ATP13A5: variants seen among roughly 807,000 people sequenced by gnomAD.
ATP13A5 encodes ATPase 13A5.
ATP13A5 carries 149 observed loss-of-function variants against 150.2 expected under a neutral mutation model. That is an observed-to-expected ratio of 0.99 (90% CI 0.87 to 1.14). ATP13A5 has a LOEUF of 1.14. ATP13A5 is among the 50% of genes most tolerant of loss of function. The pLI, the probability that ATP13A5 is intolerant of heterozygous loss-of-function variation, is 0.00. For synonymous variants in ATP13A5, 497 were observed against 522.2 expected, an observed-to-expected ratio of 0.95 and a Z score of 0.66; for missense variants, 1,383 against 1,449.3, an observed-to-expected ratio of 0.95 and a Z score of 0.74.
chr3:193,358,322 C>A (rs1037359049), intron 5 of ATP13A5, among the ~76,000 whole-genome samples: 8 of 152,172 alleles, frequency 5.3e-5, no homozygotes, highest in African/African-American at 1.9e-4. Flanking sequence ...CCTGACTTCC[C>A]TAACACTCTT....
In ATP13A5 at chr3:193,343,925, A is replaced by G. The variant is rs767823971; in HGVS notation, c.943+2T>C. 14 of 1,612,022 alleles carry G rather than the reference A, an allele frequency of 8.7e-6. No homozygotes were observed. The highest frequency in any genetic ancestry group is 8.5e-7 in the Non-Finnish European group (1 of 1,178,934). On this transcript the variant is annotated splice_donor_variant, in intron 9 of 29. Transcript: ENST00000342358. LOFTEE classifies it high-confidence loss of function. ...AGAGGAAGCTCCATGACAACTGCCTACCTGTAAGCATGCCTTCATTCACCA... is the reference window on the plus strand; with the variant it reads ...AGAGGAAGCTCCATGACAACTGCCTGCCTGTAAGCATGCCTTCATTCACCA...
chr3:193,378,695 C>T lies in ATP13A5; in HGVS notation c.31G>A (p.Ala11Thr). Residue 11 changes from alanine (A) to threonine (T), a missense_variant, in exon 1 of 30, where the codon GCT (alanine) becomes ACT (threonine). Transcript: ENST00000342358. MEENSKKDHR[A>T]LLNQGEEDEL... Reference sequence around the variant, plus strand: ...TCCTCCTCTCCCTGGTTGAGCAAAGCCCGATGGTCCTTCTTACTGTTCTCT... The same window carrying T: ...TCCTCCTCTCCCTGGTTGAGCAAAGTCCGATGGTCCTTCTTACTGTTCTCT... 6.2e-7 allele frequency: 1 copy of T among 1,613,964 alleles called. No homozygotes were observed. The highest frequency in any genetic ancestry group is 8.5e-7 in the Non-Finnish European group (1 of 1,179,850).
At chr3:193,344,856 C>T in intron 8 of ATP13A5, 147 bp downstream of exon 8, 1 of 762,500 alleles carries the variant, frequency 1.3e-6, no homozygotes, top group Non-Finnish European at 2.2e-6. Context: ...AATTTTCTAT[C>T]TTAGAGGGCT....
chr3:193,322,711 C>T (rs1007531903), intron 14 of ATP13A5, 137 bp from the exon 15 acceptor site: 3 of 639,962 alleles, frequency 4.7e-6, no homozygotes, highest in Non-Finnish European at 7.9e-6. Context: ...TATCTTAATA[C>T]TGTCATTGTC....
Position 193,362,590 on chromosome 3 carries a change from C to T in ATP13A5, c.432G>A (p.Leu144=). Residue 144 remains leucine, a synonymous_variant, in exon 4 of 30, where the codon CTG becomes CTA. Transcript: ENST00000342358. ...VQKIRYVWND[L]EKRFQKVGLL... is the part of the protein sequence containing the mutation. ...ACCCAACTTTCTGAAACCGCTTCTC[C>T]AGGTCGTTCCAAACATACCTGATTT... The T allele has an allele frequency of 6.2e-7, 1 of 1,614,172 alleles. No homozygotes were observed. The highest frequency in any genetic ancestry group is 8.5e-7 in the Non-Finnish European group (1 of 1,180,022).
chr3:193,343,989 G>A lies in ATP13A5; in HGVS notation c.881C>T (p.Ser294Leu). Residue 294 changes from serine (S) to leucine (L), a missense_variant, in exon 9 of 30, where the codon TCA becomes TTA. This residue lies in a region of ATP13A5 where 787 missense variants were observed against 771.9 expected (regional missense o/e 1.02). Transcript: ENST00000342358. ...AATCAAAACAGCATCACATGGCAATGAAAATTTTCCTGGAAGAATAAGAAT... is the reference window on the plus strand; with the variant it reads ...AATCAAAACAGCATCACATGGCAATAAAAATTTTCCTGGAAGAATAAGAAT... ...GDILILPGKF[S>L]LPCDAVLIDG... 6.2e-7 allele frequency: 1 copy of A among 1,613,446 alleles called. No individual in the cohort carries two copies. The highest frequency in any genetic ancestry group is 8.5e-7 in the Non-Finnish European group (1 of 1,179,620).
intron 27 of ATP13A5, 50 bp from the exon 28 acceptor site, chr3:193,279,504 T>C (rs1259181966): frequency 1.3e-6 from 2 of 1,503,570 alleles, no homozygotes; most frequent in Non-Finnish European, 1.8e-6. Context: ...ATGTTTCATA[T>C]AATTTGGCAC....
chr3:193,327,149 A>T, intron 12 of ATP13A5, 92 bp from the exon 13 acceptor site: 1 of 1,086,054 alleles, frequency 9.2e-7, no homozygotes, highest in Non-Finnish European at 1.3e-6. Flanking sequence ...AAGATATTAT[A>T]GTAGATCCAG....
At chr3:193,293,219 G>T (rs2108831170) in intron 25 of ATP13A5, among the ~76,000 whole-genome samples, 1 of 152,198 alleles carries the variant, frequency 6.6e-6, no homozygotes, top group South Asian at 2.1e-4. Context: ...AAAATGGCAA[G>T]CCCTGCAATA....
chr3:193,278,982 A>T (rs747993057), intron 28 of ATP13A5, among the ~76,000 whole-genome samples: 8 of 152,216 alleles, frequency 5.3e-5, no homozygotes, highest in Non-Finnish European at 5.9e-5. Flanking sequence ...TGACTGTCTT[A>T]TAAGTCTATG....
chr3:193,275,203 C>T lies in ATP13A5; in HGVS notation c.3496G>A (p.Glu1166Lys), dbSNP rs1375242335. 1 of 1,614,198 alleles carries T rather than the reference C, an allele frequency of 6.2e-7. No homozygotes were observed. The highest frequency in any genetic ancestry group is 8.5e-7 in the Non-Finnish European group (1 of 1,180,038). The change falls in exon 30 of 30, where the codon GAA becomes AAA. Residue 1166 changes from glutamate (E) to lysine (K), a missense_variant. Physicochemically the swap from Glu to Lys is moderately conservative, Grantham distance 56. Coordinates refer to ENST00000342358, the MANE Select transcript of ATP13A5 (RefSeq NM_198505.4). ...TTTATGGGAGGCCAGGTTGAGTCTT[C>T]TGCTAGCTTCTTTTGCCAAGTCCTA... ...QYRTWQKKLAEDSTWPPINRT... is the reference protein window; with the variant it reads ...QYRTWQKKLAKDSTWPPINRT...
chr3:193,275,489 A>C (rs1318027300), intron 29 of ATP13A5, among the ~76,000 whole-genome samples, 187 bp from the exon 30 acceptor site: 1 of 152,182 alleles, frequency 6.6e-6, no homozygotes, highest in Non-Finnish European at 1.5e-5. Context: ...GCTTGTTTTC[A>C]CGGAAATCTG....
intron 9 of ATP13A5, among the ~76,000 whole-genome samples, chr3:193,341,579 GA>G (rs1712130973): frequency 6.6e-6 from 1 of 152,152 alleles, no homozygotes; most frequent in Admixed American, 6.6e-5. Flanking sequence ...ATAGGCCTCA[GA>G]CAGCTCAGAG....
chr3:193,364,274 A>G lies in ATP13A5; in HGVS notation c.70T>C (p.Phe24Leu). 6.2e-7 allele frequency: 1 copy of G among 1,612,720 alleles called. No homozygotes were observed. The highest frequency in any genetic ancestry group is 8.5e-7 in the Non-Finnish European group (1 of 1,179,308). The part of the protein sequence containing the change: ...NQGEEDELEV[F>L]GYRDHNVRKA... ...CGTACATTGTGGTCCCGGTAACCAA[A>G]CACCTCCTGGAGAATAAATTTAAAA... Residue 24 changes from phenylalanine (F) to leucine (L), a missense_variant, in exon 2 of 30, where the codon TTT becomes CTT. Coordinates refer to ENST00000342358, the MANE Select transcript of ATP13A5 (RefSeq NM_198505.4).
chr3:193,283,926 T>A (rs1717607205), intron 27 of ATP13A5, among the ~76,000 whole-genome samples: 1 of 151,018 alleles, frequency 6.6e-6, no homozygotes, highest in Non-Finnish European at 1.5e-5. Context: ...TAATTATTAA[T>A]AGTGTCTCAC....
At chr3:193,290,511 A>C (rs888194129) in intron 25 of ATP13A5, among the ~76,000 whole-genome samples, 4 of 152,112 alleles carry the variant, frequency 2.6e-5, no homozygotes, top group African/African-American at 7.2e-5. Flanking sequence ...TTTAAAAAAA[A>C]CACTCACTCT....
intron 23 of ATP13A5, among the ~76,000 whole-genome samples, chr3:193,302,454 C>T (rs954399927): frequency 4.6e-5 from 7 of 152,088 alleles, no homozygotes; most frequent in African/African-American, 1.7e-4. Context: ...TTTCTGCAAT[C>T]GTGCATAGTT....
chr3:193,318,917 T>C, intron 17 of ATP13A5, 74 bp downstream of exon 17: 2 of 1,010,284 alleles, frequency 2.0e-6, no homozygotes, highest in East Asian at 2.4e-5. Flanking sequence ...TTAGAACTGT[T>C]CATCTGTTCA....
At position 193,364,122 on chromosome 3, in the gene ATP13A5, A is replaced by T. The variant is rs760397358; in HGVS notation, c.222T>A (p.Val74=). Residue 74 remains valine, a synonymous_variant, in exon 2 of 30, where the codon GTT becomes GTA. Transcript: ENST00000342358. ...AGGCACGCACTGTTGTCCTCAGCAA[A>T]ACAGTGTCTGCTTCTTGCAAGGGGC... ...IPCPLQEADT[V]LLRTTDEFQR... The T allele has an allele frequency of 9.3e-6, 15 of 1,613,880 alleles. No individual in the cohort carries two copies. The African/African-American group carries it at 2.0e-4, about 22-fold the overall frequency.
Sources: gnomAD v4.1 joint callset for allele counts (sites outside exome capture counted in the v4.1 genomes callset) on GRCh38, gnomAD v4.1.1 for gene constraint, gnomAD v4.1.1 regional missense constraint, MANE v1.5 for transcripts, NCBI Gene and HGNC (gene_info 2026-07-23, HGNC 2026-07-21) for gene names.